LRRC9: variants seen among roughly 807,000 people sequenced by gnomAD.
The protein encoded by LRRC9 is leucine rich repeat containing 9, also known as leucine-rich repeat-containing protein 9.
Under a neutral mutation model 63.2 loss-of-function variants are expected in LRRC9, and 122 were observed. The ratio of observed to expected loss-of-function variants is 1.93; its 90% CI spans 1.67 to 2.24. The LOEUF (loss-of-function observed/expected upper bound fraction) is 2.24, where lower values mean the gene tolerates loss of function less well. LRRC9 is among the 30% of genes most tolerant of loss of function. LRRC9 has a pLI of 0.00. For synonymous variants in LRRC9, 366 were observed against 213.1 expected (o/e 1.72, Z -6.25); for missense variants, 1,071 against 627.7 (o/e 1.71, Z -7.55).
Position 59,962,403 on chromosome 14 carries a change from A to C in LRRC9, c.1211+1358A>C, listed in dbSNP as rs565952757. Among the ~76,000 whole-genome samples, 10 of 151,896 alleles carry C rather than the reference A, an allele frequency of 6.6e-5. No homozygotes were observed. Among genetic ancestry groups the C allele is most frequent in the Non-Finnish European group, 1.0e-4 (7 of 67,990 alleles). ...TGCACATTTATATTCACTCAACCTA[A>C]ACAGGATTTTTTTTTTTTGAGATAG... On this transcript the variant is annotated intron_variant, in intron 10 of 31. Coordinates refer to ENST00000445360, the Ensembl canonical transcript of LRRC9. The surrounding 1 kb of genome is among the most constrained non-coding windows in gnomAD (Gnocchi z 5.1).
At position 60,003,380 on chromosome 14, in the gene LRRC9, T is replaced by C. The variant is rs551902555; in HGVS notation, c.2665-241T>C. Among the ~76,000 whole-genome samples the C allele has an allele frequency of 6.6e-6, 1 of 152,346 alleles. No individual in the cohort carries two copies. Among genetic ancestry groups the C allele is most frequent in the South Asian group, 2.1e-4 (1 of 4,830 alleles). On this transcript the variant is annotated intron_variant, in intron 20 of 31. Transcript: ENST00000445360. The surrounding 1 kb of genome is among the most constrained non-coding windows in gnomAD (Gnocchi z 4.2). ...AGCAGCTGGGACAAGTCCATTACTG[T>C]AATGGGACTCTAGCACATCGCAGTG... is the stretch of plus-strand genomic sequence containing the variant.
chr14:59,981,740 T>A, intron 15 of LRRC9, 108 bp from the exon 16 acceptor site: 1 of 616,472 alleles, frequency 1.6e-6, no homozygotes, highest in Non-Finnish European at 2.9e-6. Flanking sequence ...ATCACAGATA[T>A]GACTGTATAA....
intron 23 of LRRC9, among the ~76,000 whole-genome samples, chr14:60,013,671 A>G (rs1300720757): frequency 6.6e-6 from 1 of 151,136 alleles, no homozygotes; most frequent in Non-Finnish European, 1.5e-5. Flanking sequence ...GTTCTGTCTG[A>G]CTCTGGTAAT....
At chr14:59,953,516 T>C (rs1449491391) in intron 8 of LRRC9, among the ~76,000 whole-genome samples, 2 of 152,200 alleles carry the variant, frequency 1.3e-5, no homozygotes, top group East Asian at 3.9e-4. Flanking sequence ...TTGTAAATTT[T>C]TTCTTGTAAA....
chr14:59,948,458 G>A (rs1882715872), intron 8 of LRRC9, among the ~76,000 whole-genome samples: 1 of 133,096 alleles, frequency 7.5e-6, no homozygotes, highest in Non-Finnish European at 1.6e-5. Flanking sequence ...CTGCAAACAG[G>A]GACAATTTGA....
At position 59,921,470 on chromosome 14, in the gene LRRC9, G is replaced by A. The variant is rs1016099207; in HGVS notation, c.-34+1587G>A. 7.9e-5 allele frequency among the ~76,000 whole-genome samples: 12 copies of A among 152,256 alleles called. No homozygotes were observed. In the East Asian group the frequency reaches 9.7e-4, roughly 12 times the overall value. On this transcript the variant is annotated intron_variant, in intron 1 of 31. Coordinates refer to ENST00000445360, the Ensembl canonical transcript of LRRC9. ...TGGAATGAGGAGGAGGAAAAAAAAT[G>A]TGGTAAGACCTTTAAGAGGTATATG...
At chr14:59,978,172 C>A in intron 15 of LRRC9, 40 bp downstream of exon 15, 1 of 694,104 alleles carries the variant, frequency 1.4e-6, no homozygotes, top group South Asian at 1.5e-5. Flanking sequence ...AATTCTAATT[C>A]CTTAAATGGG....
In LRRC9 at chr14:59,927,789, T is replaced by C. The variant is rs1044542903; in HGVS notation, c.-33-122T>C. 6.5e-6 allele frequency: 3 copies of C among 464,476 alleles called. No homozygotes were observed. The highest frequency in any genetic ancestry group is 4.0e-5 in the Admixed American group (1 of 25,124). The allele number at this position is 464,476 out of a possible 1,614,324, so 28.8% of individuals were successfully genotyped here. On this transcript the variant is annotated intron_variant, in intron 1 of 31. Transcript: ENST00000445360. This position sits in a 1 kb window ranked among gnomAD's most constrained non-coding sequence, Gnocchi z 4.4. ...CAGAGTTTATACAGATACTTGGTAATATACTATGTGAAGATTTCAAACTAC... is the reference window on the plus strand; with the variant it reads ...CAGAGTTTATACAGATACTTGGTAACATACTATGTGAAGATTTCAAACTAC...
rs893657629 is a variant in LRRC9 at position 59,964,047 on chromosome 14, C to T, written c.1212-2542C>T. On this transcript the variant is annotated intron_variant, in intron 10 of 31. Coordinates refer to ENST00000445360, the Ensembl canonical transcript of LRRC9. The surrounding 1 kb of genome is among the most constrained non-coding windows in gnomAD (Gnocchi z 4.4). ...TGTGAATGTTTATACCTTCAAGTAC[C>T]ACTGAATGAATGAGGGTAAGGTACA... Among the ~76,000 whole-genome samples, 1 of 152,058 alleles carries T rather than the reference C, an allele frequency of 6.6e-6. No homozygotes were observed. Among genetic ancestry groups the T allele is most frequent in the African/African-American group, 2.4e-5 (1 of 41,432 alleles).
intron 8 of LRRC9, among the ~76,000 whole-genome samples, chr14:59,955,520 A>T: frequency 6.7e-6 from 1 of 148,998 alleles, no homozygotes; most frequent in Admixed American, 6.7e-5. Context: ...GTTCTATTTG[A>T]TTCTTCTCTC....
At chr14:60,028,042 G>A (rs1408270221) in exon 28 of LRRC9, 1 of 701,580 alleles carries the variant, frequency 1.4e-6, no homozygotes, top group Non-Finnish European at 2.6e-6. Context: ...ACGAGAACTG[G>A]GCAAATTACA....
intron 29 of LRRC9, among the ~76,000 whole-genome samples, chr14:60,052,124 T>C (rs1893941555): frequency 6.6e-6 from 1 of 152,236 alleles, no homozygotes; most frequent in Non-Finnish European, 1.5e-5. Flanking sequence ...ATCAGCCATC[T>C]TGGCCCACAT....
intron 29 of LRRC9, among the ~76,000 whole-genome samples, chr14:60,040,897 CCA>C (rs1892889313): frequency 6.6e-6 from 1 of 151,876 alleles, no homozygotes; most frequent in Admixed American, 6.6e-5. Flanking sequence ...GTGGCTGGTA[CCA>C]GTTGTTCCTT....
intron 31 of LRRC9, among the ~76,000 whole-genome samples, chr14:60,062,874 T>C (rs1894741085): frequency 1.3e-5 from 2 of 149,384 alleles, no homozygotes; most frequent in Admixed American, 1.4e-4. Flanking sequence ...TAATCAGCCA[T>C]GTCCCACTGA....
intron 1 of LRRC9, among the ~76,000 whole-genome samples, chr14:59,921,531 T>C (rs1352556870): frequency 6.6e-6 from 1 of 151,882 alleles, no homozygotes; most frequent in East Asian, 1.9e-4. Context: ...AATAGGGGGA[T>C]AGAGTCAAAG....
chr14:59,965,140 T>A (rs1219645706), intron 10 of LRRC9, among the ~76,000 whole-genome samples: 1 of 152,174 alleles, frequency 6.6e-6, no homozygotes, highest in Non-Finnish European at 1.5e-5. Context: ...CGTTTTTCAA[T>A]CTCATCTTAA....
At chr14:59,943,118 G>T (rs1277061331) in intron 7 of LRRC9, among the ~76,000 whole-genome samples, 2 of 152,072 alleles carry the variant, frequency 1.3e-5, no homozygotes, top group African/African-American at 4.8e-5. Context: ...TCCATAGGTT[G>T]TCTCTTCACT....
In LRRC9 at chr14:60,027,363, A is replaced by C. The variant is rs746137513; in HGVS notation, c.3704-521A>C. 6.6e-6 allele frequency among the ~76,000 whole-genome samples: 1 copy of C among 152,066 alleles called. No individual in the cohort carries two copies. ...GAGAGAAATCATAGGTTTATAAATAAGGTTTAGAGTTTTGAAGAATTAAAT... is the reference window on the plus strand; with the variant it reads ...GAGAGAAATCATAGGTTTATAAATACGGTTTAGAGTTTTGAAGAATTAAAT... On this transcript the variant is annotated intron_variant, in intron 27 of 31. Coordinates refer to ENST00000445360, the Ensembl canonical transcript of LRRC9. The surrounding 1 kb of genome is among the most constrained non-coding windows in gnomAD (Gnocchi z 4.0).
rs1289624777 is a variant in LRRC9, at chr14:60,055,592, A to G, written c.4132-2286A>G. 2.0e-5 allele frequency among the ~76,000 whole-genome samples: 3 copies of G among 152,224 alleles called. No individual in the cohort carries two copies. The East Asian group carries it at 5.8e-4, about 29-fold the overall frequency. On this transcript the variant is annotated intron_variant, in intron 30 of 31. Coordinates refer to ENST00000445360, the Ensembl canonical transcript of LRRC9. ...TCTGAAAACCGGTATTAAAGGACTA[A>G]ATCAAAAATACTGGCAGGGGCCAGG...
Sources: allele counts gnomAD v4.1 joint callset (sites outside exome capture counted in the v4.1 genomes callset), GRCh38; gene constraint gnomAD v4.1.1; non-coding constraint Gnocchi (gnomAD v3.1); transcripts MANE v1.5; gene names NCBI Gene and HGNC (gene_info 2026-07-23, HGNC 2026-07-21).